The following STXBP5 variants were observed in gnomAD, a reference collection of about 807,000 sequenced individuals.
STXBP5 encodes the protein syntaxin binding protein 5.
In STXBP5, 50 loss-of-function variants were observed where a neutral mutation model predicts 152.4. The ratio of observed to expected loss-of-function variants is 0.33; its 90% confidence interval spans 0.26 to 0.42. The LOEUF (loss-of-function observed/expected upper bound fraction) is 0.42. Ranked by LOEUF, STXBP5 falls within the 10% of genes least tolerant of loss-of-function variation. The probability of loss-of-function intolerance (pLI) is 1.00; values close to 1 mark genes in which losing one functional copy is unlikely to be tolerated. For missense variants in STXBP5, 1,167 were observed against 1,388.6 expected, an observed-to-expected ratio of 0.84 and a Z score of 2.54; for synonymous variants, 492 against 494.7, an observed-to-expected ratio of 0.99 and a Z score of 0.07.
At chr6:147,302,443 T>C (rs17076691) in intron 9 of STXBP5, among the ~76,000 whole-genome samples, 2,552 of 152,118 alleles carry the variant, frequency 0.017, 61 homozygotes, top group African/African-American at 0.057. Context: ...CCAGGAGATA[T>C]ATTGTAGGAA....
At chr6:147,350,339 G>A (rs1232098176) in intron 21 of STXBP5, among the ~76,000 whole-genome samples, 1 of 151,942 alleles carries the variant, frequency 6.6e-6, no homozygotes, top group Admixed American at 6.6e-5. Context: ...AAGATCAAAA[G>A]CATGCACCTA....
intron 2 of STXBP5, among the ~76,000 whole-genome samples, chr6:147,216,902 A>G (rs1777198059): frequency 6.6e-6 from 1 of 152,252 alleles, no homozygotes; most frequent in Middle Eastern, 3.2e-3. Flanking sequence ...CCTAGAACTC[A>G]CATGGTAGCT....
chr6:147,312,169 ATAT>A (rs1234056993), intron 11 of STXBP5, among the ~76,000 whole-genome samples: 1 of 152,148 alleles, frequency 6.6e-6, no homozygotes, highest in African/African-American at 2.4e-5. Flanking sequence ...ATAAAACTCT[ATAT>A]AACTTTCAAA....
chr6:147,239,071 T>G (rs1424729152), intron 3 of STXBP5, 99 bp from the exon 4 acceptor site: 1 of 1,063,572 alleles, frequency 9.4e-7, no homozygotes. Context: ...TGGCAGAAAG[T>G]TTTGAAATTT....
intron 9 of STXBP5, among the ~76,000 whole-genome samples, chr6:147,309,011 A>G (rs1389693112): frequency 6.6e-6 from 1 of 152,196 alleles, no homozygotes; most frequent in Non-Finnish European, 1.5e-5. Flanking sequence ...TTATACATGT[A>G]GAAGCTAGGA....
intron 21 of STXBP5, among the ~76,000 whole-genome samples, chr6:147,346,883 T>C (rs983880088): frequency 1.3e-5 from 2 of 152,194 alleles, no homozygotes; most frequent in African/African-American, 4.8e-5. Context: ...TTTCCAGGAC[T>C]GTCATCCTTG....
intron 9 of STXBP5, among the ~76,000 whole-genome samples, chr6:147,302,961 T>C (rs1261786012): frequency 1.3e-5 from 2 of 152,156 alleles, no homozygotes; most frequent in African/African-American, 2.4e-5. Flanking sequence ...GTAGTGAAAA[T>C]CTTTTGTTGA....
intron 2 of STXBP5, among the ~76,000 whole-genome samples, chr6:147,217,769 C>G (rs1046711016): frequency 6.6e-6 from 1 of 152,098 alleles, no homozygotes; most frequent in African/African-American, 2.4e-5. Context: ...CACATTAAAA[C>G]AAAAAAGCAG....
At chr6:147,244,196 A>G (rs1336541610) in intron 4 of STXBP5, among the ~76,000 whole-genome samples, 1 of 152,228 alleles carries the variant, frequency 6.6e-6, no homozygotes, top group Non-Finnish European at 1.5e-5. Flanking sequence ...CAAATACGAT[A>G]CAGTTTTATA....
intron 25 of STXBP5, among the ~76,000 whole-genome samples, chr6:147,367,820 TAA>T (rs1285699457): frequency 1.3e-5 from 2 of 152,030 alleles, no homozygotes; most frequent in African/African-American, 4.8e-5. Context: ...ATATCAGTAA[TAA>T]GAGAAGTCTC....
At chr6:147,233,937 A>G (rs565626931) in intron 2 of STXBP5, among the ~76,000 whole-genome samples, 1 of 150,834 alleles carries the variant, frequency 6.6e-6, no homozygotes, top group South Asian at 2.1e-4. Flanking sequence ...GTAGGATACT[A>G]TGAGCTAAAC....
intron 8 of STXBP5, among the ~76,000 whole-genome samples, chr6:147,289,253 C>G (rs1781153603): frequency 6.6e-6 from 1 of 152,224 alleles, no homozygotes; most frequent in African/African-American, 2.4e-5. Flanking sequence ...GCCTACCTAC[C>G]TATGATATTC....
Position 147,288,730 on chromosome 6 carries a change from A to C in STXBP5, c.839-2364A>C, listed in dbSNP as rs1781123022. Among the ~76,000 whole-genome samples the C allele has an allele frequency of 2.0e-5, 3 of 152,284 alleles. No individual in the cohort carries two copies. The South Asian group carries it at 6.2e-4, about 32-fold the overall frequency. On this transcript the variant is annotated intron_variant, in intron 8 of 27. Transcript: ENST00000321680. ...TTCAACTGAGGAGCATAAAGAAAAA[A>C]AGAGACCAAGGCAAGTTTCAGAGCA...
intron 18 of STXBP5, among the ~76,000 whole-genome samples, chr6:147,331,805 T>TAAAAAAA (rs758010688): frequency 8.7e-6 from 1 of 115,406 alleles, no homozygotes. Flanking sequence ...TTCTACCAGT[T>TAAAAAAA]AAAAAAAAAA....
At position 147,384,820 on chromosome 6, in the gene STXBP5, C is replaced by A; in HGVS notation, c.*65C>A. On this transcript the variant is annotated 3_prime_UTR_variant, in exon 28 of 28. Coordinates refer to ENST00000321680, the MANE Select transcript of STXBP5 (RefSeq NM_001127715.4). ...AAAAGTTTTCCATTTTTATTACATTCTTTAGGAAAGTTAACGTTAAAGGGA... is the reference window on the plus strand; with the variant it reads ...AAAAGTTTTCCATTTTTATTACATTATTTAGGAAAGTTAACGTTAAAGGGA... The A allele has an allele frequency of 6.6e-7, 1 of 1,504,006 alleles. No individual in the cohort carries two copies. Among genetic ancestry groups the A allele is most frequent in the Non-Finnish European group, 9.2e-7 (1 of 1,090,810 alleles). The allele number at this position is 1,504,006 out of a possible 1,614,324, so 93.2% of individuals were successfully genotyped here. A position where few individuals can be genotyped will look rare whatever the true frequency, so the allele number is the denominator to read the frequency against.
chr6:147,224,822 T>C (rs1332114495), intron 2 of STXBP5, among the ~76,000 whole-genome samples: 1 of 152,178 alleles, frequency 6.6e-6, no homozygotes, highest in Admixed American at 6.5e-5. Flanking sequence ...AATCTAAAGC[T>C]CATCCTCTTT....
Position 147,382,871 on chromosome 6 carries a change from G to T in STXBP5, c.3287G>T (p.Gly1096Val). The T allele has an allele frequency of 6.2e-7, 1 of 1,613,576 alleles. No individual in the cohort carries two copies. Among genetic ancestry groups the T allele is most frequent in the Non-Finnish European group, 8.5e-7 (1 of 1,179,700 alleles). Residue 1096 changes from glycine (G) to valine (V), a missense_variant, in exon 27 of 28, where the codon GGA (glycine) becomes GTA (valine). Gly to Val is a moderately radical substitution (Grantham distance 109). Around this residue, in one of 3 missense-constraint regions of STXBP5, gnomAD observed 833 missense variants for 986.3 expected, o/e 0.84. Coordinates refer to ENST00000321680, the MANE Select transcript of STXBP5 (RefSeq NM_001127715.4). ...GAAGGCGTAAAAGGGGCAGCATCTG[G>T]AGTTGTTGGTGAATTAGCACGAGCC... ...GIEGVKGAAS[G>V]VVGELARARL...
chr6:147,376,428 A>G (rs1404567170), intron 26 of STXBP5, among the ~76,000 whole-genome samples: 2 of 152,246 alleles, frequency 1.3e-5, no homozygotes, highest in Admixed American at 6.5e-5. Context: ...CAGATAGTAC[A>G]TAAAGCATGG....
chr6:147,251,635 T>A (rs531897343), intron 4 of STXBP5, among the ~76,000 whole-genome samples: 3 of 152,156 alleles, frequency 2.0e-5, no homozygotes, highest in Non-Finnish European at 2.9e-5. Flanking sequence ...GACAGAGCAC[T>A]TGGAGAAAGG....
Sources: gnomAD v4.1 joint callset for allele counts (sites outside exome capture counted in the v4.1 genomes callset) on GRCh38, gnomAD v4.1.1 for gene constraint, gnomAD v4.1.1 regional missense constraint, MANE v1.5 for transcripts, NCBI Gene and HGNC (gene_info 2026-07-23, HGNC 2026-07-21) for gene names.